Variants in DIRAS2 observed in about 807,000 individuals in gnomAD.
The protein encoded by DIRAS2 is DIRAS family GTPase 2.
In DIRAS2, 5 loss-of-function variants were observed where a neutral mutation model predicts 13.9. The ratio of observed to expected loss-of-function variants is 0.36; its 90% CI spans 0.19 to 0.76. The LOEUF (loss-of-function observed/expected upper bound fraction) is 0.76. Among genes scored for constraint, DIRAS2 ranks in the 30% least tolerant of loss-of-function variants. The pLI is 0.53. For synonymous variants in DIRAS2, 111 were observed against 105.4 expected, an observed-to-expected ratio of 1.05 and a Z score of -0.33; for missense variants, 191 against 263.0, an observed-to-expected ratio of 0.73 and a Z score of 1.89.
At chr9:90,631,953 C>A (rs1270007265) in intron 1 of DIRAS2, among the ~76,000 whole-genome samples, 1 of 152,202 alleles carries the variant, frequency 6.6e-6, no homozygotes, top group East Asian at 1.9e-4. Flanking sequence ...GTCCTCCTTA[C>A]CTCCTCTTGT....
chr9:90,632,913 C>T (rs991998447), intron 1 of DIRAS2, among the ~76,000 whole-genome samples: 7 of 152,336 alleles, frequency 4.6e-5, no homozygotes, highest in Admixed American at 1.3e-4. Flanking sequence ...GCAGAACATG[C>T]GGCTATTTCA....
At chr9:90,633,071 C>T (rs148344541) in intron 1 of DIRAS2, among the ~76,000 whole-genome samples, 40 of 32,838 alleles carry the variant, frequency 1.2e-3, no homozygotes, top group African/African-American at 6.0e-3. Flanking sequence ...AGAGTGCCAC[C>T]GTGGGTTGCC....
Position 90,613,565 on chromosome 9 carries a change from A to T in DIRAS2, c.263T>A (p.Ile88Asn). The change falls in exon 2 of 2, where the codon ATT becomes AAT. Residue 88 changes from isoleucine to asparagine, a missense_variant. Physicochemically the swap from Ile to Asn is moderately radical, Grantham distance 149. Coordinates refer to ENST00000375765, the MANE Select transcript of DIRAS2 (RefSeq NM_017594.5). This position sits in a 1 kb window ranked among gnomAD's most constrained non-coding sequence, Gnocchi z 5.6. ...KGHAFILVYS[I>N]TSRQSLEELK... ...CTCCTCCAAGGACTGTCGGCTGGTA[A>T]TGGAGTACACCAGGATGAAGGCGTG... The T allele has an allele frequency of 6.2e-7, 1 of 1,614,140 alleles. No individual in the cohort carries two copies. The highest frequency in any genetic ancestry group is 8.5e-7 in the Non-Finnish European group (1 of 1,180,018).
chr9:90,617,434 G>C (rs1825180055), intron 1 of DIRAS2, among the ~76,000 whole-genome samples: 1 of 152,164 alleles, frequency 6.6e-6, no homozygotes, highest in African/African-American at 2.4e-5. Context: ...AGAATGAAAG[G>C]AGAATACCAC....
chr9:90,613,717 G>A lies in DIRAS2; in HGVS notation c.111C>T (p.Ile37=), dbSNP rs778083516. The part of the protein sequence containing the change: ...FVKGTFRESY[I]PTVEDTYRQV... ...GCCGGTAGGTGTCTTCCACCGTCGGGATGTAGCTCTCCCGGAATGTGCCTT... is the reference window on the plus strand; with the variant it reads ...GCCGGTAGGTGTCTTCCACCGTCGGAATGTAGCTCTCCCGGAATGTGCCTT... Residue 37 remains isoleucine (I), a synonymous_variant, in exon 2 of 2, where the codon ATC becomes ATT. Transcript: ENST00000375765. This position sits in a 1 kb window ranked among gnomAD's most constrained non-coding sequence, Gnocchi z 5.6. 4.3e-6 allele frequency: 7 copies of A among 1,613,998 alleles called. No individual in the cohort carries two copies. In the African/African-American group the frequency reaches 9.3e-5, roughly 22 times the overall value.
At chr9:90,622,210 C>T (rs1825225218) in intron 1 of DIRAS2, among the ~76,000 whole-genome samples, 1 of 152,150 alleles carries the variant, frequency 6.6e-6, no homozygotes, top group African/African-American at 2.4e-5. Context: ...TGTGATCACA[C>T]CACTGCACTC....
At chr9:90,627,152 C>A (rs72757620) in intron 1 of DIRAS2, among the ~76,000 whole-genome samples, 4,943 of 152,270 alleles carry the variant, frequency 0.032, 134 homozygotes, top group South Asian at 0.12. Context: ...TGTGAAGTGC[C>A]TGCTCCCTTT....
chr9:90,615,339 T>G (rs1228965544), intron 1 of DIRAS2, among the ~76,000 whole-genome samples: 1 of 152,206 alleles, frequency 6.6e-6, no homozygotes, highest in Non-Finnish European at 1.5e-5. Context: ...GCATGCACTT[T>G]GGAATCCCAA....
intron 1 of DIRAS2, among the ~76,000 whole-genome samples, chr9:90,630,731 G>A (rs1825317446): frequency 1.3e-5 from 2 of 152,176 alleles, no homozygotes; most frequent in Non-Finnish European, 1.5e-5. Flanking sequence ...TTTCTGCTAG[G>A]TAGGTCTTCA....
At chr9:90,615,744 G>A (rs929139354) in intron 1 of DIRAS2, among the ~76,000 whole-genome samples, 1 of 152,144 alleles carries the variant, frequency 6.6e-6, no homozygotes, top group Non-Finnish European at 1.5e-5. Flanking sequence ...GTCAGCTAGG[G>A]TCTCTCTCCT....
At chr9:90,632,100 G>A (rs929375811) in intron 1 of DIRAS2, among the ~76,000 whole-genome samples, 3 of 152,278 alleles carry the variant, frequency 2.0e-5, no homozygotes, top group Admixed American at 1.3e-4. Context: ...CTGCATGACT[G>A]CAGCAGCCTG....
intron 1 of DIRAS2, among the ~76,000 whole-genome samples, chr9:90,615,669 G>T (rs1465111665): frequency 2.0e-5 from 3 of 152,176 alleles, no homozygotes; most frequent in African/African-American, 7.2e-5. Context: ...AGCTGGATCT[G>T]GTGAGAGCCT....
intron 1 of DIRAS2, among the ~76,000 whole-genome samples, chr9:90,642,488 T>C (rs1335713193): frequency 6.6e-6 from 1 of 152,200 alleles, no homozygotes; most frequent in African/African-American, 2.4e-5. Context: ...GTAAATCCTG[T>C]TTTGGAAGGA....
chr9:90,641,670 A>C (rs1825420615), intron 1 of DIRAS2, among the ~76,000 whole-genome samples: 3 of 151,582 alleles, frequency 2.0e-5, no homozygotes, highest in Admixed American at 6.6e-5. Context: ...CTCCCCCTCC[A>C]CCTCCTCAAA....
intron 1 of DIRAS2, among the ~76,000 whole-genome samples, chr9:90,636,381 T>C (rs892754450): frequency 6.6e-6 from 1 of 152,172 alleles, no homozygotes; most frequent in Non-Finnish European, 1.5e-5. Flanking sequence ...TTTGCAATTA[T>C]GGTGCCCGGC....
chr9:90,619,459 C>CA (rs1427988198), intron 1 of DIRAS2, among the ~76,000 whole-genome samples: 6 of 151,710 alleles, frequency 4.0e-5, no homozygotes, highest in African/African-American at 9.7e-5. Context: ...CAAAACAAAA[C>CA]AAAACAAACT....
intron 1 of DIRAS2, among the ~76,000 whole-genome samples, chr9:90,616,746 A>AG (rs1357495951): frequency 6.6e-6 from 1 of 151,532 alleles, no homozygotes; most frequent in East Asian, 1.9e-4. Flanking sequence ...CAAAAAAAAA[A>AG]AAAAAAAAAA....
intron 1 of DIRAS2, among the ~76,000 whole-genome samples, chr9:90,623,967 T>C (rs947079158): frequency 1.3e-5 from 2 of 152,254 alleles, no homozygotes; most frequent in African/African-American, 4.8e-5. Context: ...TTTAGTGTAC[T>C]ATTCTGCCCT....
At position 90,613,641 on chromosome 9, in the gene DIRAS2, T is replaced by A; in HGVS notation, c.187A>T (p.Thr63Ser). The part of the protein sequence containing the change: ...SICTLQITDT[T>S]GSHQFPAMQR... ...ATGGCCGGGAACTGGTGGCTCCCCG[T>A]CGTGTCGGTGATCTGCAATGTGCAT... Residue 63 changes from threonine to serine, a missense_variant, in exon 2 of 2, where the codon ACG becomes TCG. By Grantham distance (58) the Thr-to-Ser change is moderately conservative. Coordinates refer to ENST00000375765, the MANE Select transcript of DIRAS2 (RefSeq NM_017594.5). The surrounding 1 kb of genome is among the most constrained non-coding windows in gnomAD (Gnocchi z 5.6). 6.2e-7 allele frequency: 1 copy of A among 1,614,130 alleles called. No homozygotes were observed. Among genetic ancestry groups the A allele is most frequent in the Non-Finnish European group, 8.5e-7 (1 of 1,180,026 alleles).
Sources: allele counts gnomAD v4.1 joint callset (sites outside exome capture counted in the v4.1 genomes callset), GRCh38; gene constraint gnomAD v4.1.1; non-coding constraint Gnocchi (gnomAD v3.1); transcripts MANE v1.5; gene names NCBI Gene and HGNC (gene_info 2026-07-23, HGNC 2026-07-21).